CCDC136: variants seen among roughly 807,000 people sequenced by gnomAD.
CCDC136 encodes the protein coiled-coil domain containing 136, also known as coiled-coil domain-containing protein 136.
Under a neutral mutation model 141.2 loss-of-function variants are expected in CCDC136, and 100 were observed. That is an observed-to-expected ratio of 0.71 (90% CI 0.60 to 0.84). CCDC136 has a LOEUF of 0.84. Among genes scored for constraint, CCDC136 ranks in the 40% least tolerant of loss-of-function variants. The pLI is 0.00. For synonymous variants in CCDC136, 474 were observed against 531.9 expected (o/e 0.89, Z 1.50); for missense variants, 1,206 against 1,379.4 (o/e 0.87, Z 1.99).
In CCDC136 at chr7:128,806,231, C is replaced by T. The variant is rs372361455; in HGVS notation, c.1090-6C>T. On this transcript the variant is annotated splice_polypyrimidine_tract_variant and splice_region_variant and intron_variant, in intron 7 of 17. Coordinates refer to ENST00000297788, the MANE Select transcript of CCDC136 (RefSeq NM_022742.5). ...AACTGTTCTACTCACATCCTCCCTACCACAGAATGAGGAGCTGAAGTCCAG... is the reference window on the plus strand; with the variant it reads ...AACTGTTCTACTCACATCCTCCCTATCACAGAATGAGGAGCTGAAGTCCAG... 56 of 1,554,764 alleles carry T rather than the reference C, an allele frequency of 3.6e-5. No homozygotes were observed. Among genetic ancestry groups the T allele is most frequent in the Non-Finnish European group, 4.4e-5 (50 of 1,146,162 alleles).
In CCDC136 at chr7:128,812,301, G is replaced by A; in HGVS notation, c.2530G>A (p.Glu844Lys). Residue 844 changes from glutamate (E) to lysine (K), a missense_variant, in exon 13 of 18, where the codon GAA becomes AAA. Transcript: ENST00000297788. ...CACTGACGAGGAACCTGCTGAGCCTGAAGACATGGAGGTAATGGTTGCCAG... is the reference window on the plus strand; with the variant it reads ...CACTGACGAGGAACCTGCTGAGCCTAAAGACATGGAGGTAATGGTTGCCAG... ...SCTDEEPAEP[E>K]DMERFEEMVV... is the part of the protein sequence containing the mutation. 6.2e-7 allele frequency: 1 copy of A among 1,611,526 alleles called. No homozygotes were observed. Among genetic ancestry groups the A allele is most frequent in the Non-Finnish European group, 8.5e-7 (1 of 1,179,024 alleles).
intron 5 of CCDC136, 114 bp downstream of exon 5, chr7:128,804,875 AC>A: frequency 1.5e-6 from 1 of 651,218 alleles, no homozygotes; most frequent in Admixed American, 2.8e-5. Flanking sequence ...GCTCCTGGAG[AC>A]CCAGTCCTTT....
rs769101580 is a variant in CCDC136, at chr7:128,812,152, C to T, written c.2381C>T (p.Thr794Ile). 6.2e-7 allele frequency: 1 copy of T among 1,614,026 alleles called. No homozygotes were observed. The highest frequency in any genetic ancestry group is 8.5e-7 in the Non-Finnish European group (1 of 1,179,896). ...TTTCTCAAGAGCTATGACAGCAGCACCAGTGCCAGTGAGGCCTATGGGAAG... is the reference window on the plus strand; with the variant it reads ...TTTCTCAAGAGCTATGACAGCAGCATCAGTGCCAGTGAGGCCTATGGGAAG... Reference protein sequence around the residue: ...KSFLKSYDSSTSASEAYGKSY... With the variant: ...KSFLKSYDSSISASEAYGKSY... Residue 794 changes from threonine to isoleucine, a missense_variant, in exon 13 of 18, where the codon ACC becomes ATC. Coordinates refer to ENST00000297788, the MANE Select transcript of CCDC136 (RefSeq NM_022742.5).
rs756878736 is a variant in CCDC136, at chr7:128,801,191, C to T, written c.352C>T (p.Leu118=). ...TCAACCTTTGGACTTTGCAGGTGAGCTGCGTTCTCTACGGGAGGAGATTTC... is the reference window on the plus strand; with the variant it reads ...TCAACCTTTGGACTTTGCAGGTGAGTTGCGTTCTCTACGGGAGGAGATTTC... ...TKQIQQLQGE[L]RSLREEISLL... The change falls in exon 4 of 18, where the codon CTG becomes TTG. Residue 118 remains leucine, a synonymous_variant. Coordinates refer to ENST00000297788, the MANE Select transcript of CCDC136 (RefSeq NM_022742.5). 6 of 1,610,300 alleles carry T rather than the reference C, an allele frequency of 3.7e-6. 1 individual carries two copies. In the Admixed American group the frequency reaches 5.0e-5, roughly 13 times the overall value.
chr7:128,811,927 A>C lies in CCDC136; in HGVS notation c.2156A>C (p.Asp719Ala). ...GAGGAGCGGAAGAGGCTGCAGGCAG[A>C]CTTGCAGCTCTGCCTGGAAGAAATG... ...LLEERKRLQADLQLCLEEMQL... is the reference protein window; with the variant it reads ...LLEERKRLQAALQLCLEEMQL... The change falls in exon 13 of 18, where the codon GAC becomes GCC. Residue 719 changes from aspartate (D) to alanine (A), a missense_variant. By Grantham distance (126) the Asp-to-Ala change is moderately radical (BLOSUM62 -2). Transcript: ENST00000297788. 6.2e-7 allele frequency: 1 copy of C among 1,613,938 alleles called. No individual in the cohort carries two copies. Among genetic ancestry groups the C allele is most frequent in the Non-Finnish European group, 8.5e-7 (1 of 1,179,866 alleles).
rs1162860288 is a variant in CCDC136, at chr7:128,810,129, T to G, written c.1801-10T>G. On this transcript the variant is annotated splice_polypyrimidine_tract_variant and intron_variant, in intron 11 of 17. Transcript: ENST00000297788. The stretch of plus-strand genomic sequence containing the variant: ...CCATCCCTTGCCTCCTTCCTTCTAC[T>G]CCGCCTCAGAGTCAGGAGCTACTCA... 3 of 1,551,560 alleles carry G rather than the reference T, an allele frequency of 1.9e-6. No individual in the cohort carries two copies. Among genetic ancestry groups the G allele is most frequent in the Non-Finnish European group, 2.6e-6 (3 of 1,143,076 alleles).
chr7:128,795,447 G>A (rs767255140), intron 3 of CCDC136, among the ~76,000 whole-genome samples: 1 of 151,994 alleles, frequency 6.6e-6, no homozygotes. Context: ...GGGACTCTGG[G>A]GAGAACTGAG....
intron 11 of CCDC136, 105 bp from the exon 12 acceptor site, chr7:128,810,034 A>T: frequency 1.4e-6 from 1 of 711,620 alleles, no homozygotes; most frequent in East Asian, 2.7e-5. Context: ...CAACCCTGAG[A>T]TTCTTCAGGG....
Position 128,821,220 on chromosome 7 carries a change from G to A in CCDC136, c.*6-579G>A, listed in dbSNP as rs1807394594. 6.6e-6 allele frequency among the ~76,000 whole-genome samples: 1 copy of A among 152,198 alleles called. No individual in the cohort carries two copies. The highest frequency in any genetic ancestry group is 2.1e-4 in the South Asian group (1 of 4,834). The stretch of plus-strand genomic sequence containing the variant: ...AGTCAGTCAACATACCTGGTGATTA[G>A]GAGTGTTCTAATGACCTAGGCCCAG... On this transcript the variant is annotated intron_variant, in intron 17 of 17. Transcript: ENST00000297788. This position sits in a 1 kb window ranked among gnomAD's most constrained non-coding sequence, Gnocchi z 5.1.
chr7:128,807,477 C>A lies in CCDC136; in HGVS notation c.1537C>A (p.Gln513Lys). 1 of 1,546,018 alleles carries A rather than the reference C, an allele frequency of 6.5e-7. No individual in the cohort carries two copies. Among genetic ancestry groups the A allele is most frequent in the Non-Finnish European group, 8.7e-7 (1 of 1,145,202 alleles). ...DQLEQDLLLCQLELKELKASH... is the reference protein window; with the variant it reads ...DQLEQDLLLCKLELKELKASH... ...GCTGGAGCAGGACCTCCTGCTCTGC[C>A]AGCTGGAGCTGAAAGAGCTCAAGGC... Residue 513 changes from glutamine to lysine, a missense_variant, in exon 10 of 18, where the codon CAG becomes AAG. Physicochemically the swap from Gln to Lys is moderately conservative, Grantham distance 53. Coordinates refer to ENST00000297788, the MANE Select transcript of CCDC136 (RefSeq NM_022742.5).
rs184132481 is a variant in CCDC136, at chr7:128,802,505, A to T, written c.670+996A>T. On this transcript the variant is annotated intron_variant, in intron 4 of 17. Transcript: ENST00000297788. ...TATCTCAGCTCCACTAATTAGCAGG[A>T]TGAACGTAGGAGGTCTGGTTATGGT... Among the ~76,000 whole-genome samples, 5 of 150,078 alleles carry T rather than the reference A, an allele frequency of 3.3e-5. No individual in the cohort carries two copies. The East Asian group carries it at 1.0e-3, about 30-fold the overall frequency.
chr7:128,821,667 G>T lies in CCDC136; in HGVS notation c.*6-132G>T. 1 of 577,640 alleles carries T rather than the reference G, an allele frequency of 1.7e-6. No individual in the cohort carries two copies. Among genetic ancestry groups the T allele is most frequent in the South Asian group, 1.7e-5 (1 of 57,560 alleles). The allele number at this position is 577,640 out of a possible 1,614,324, so 35.8% of individuals were successfully genotyped here. ...ACTGAGAGATCACTTACCTCCACCG[G>T]TTACCCAGGAGGTAACAGAGACTGA... On this transcript the variant is annotated intron_variant, in intron 17 of 17. Coordinates refer to ENST00000297788, the MANE Select transcript of CCDC136 (RefSeq NM_022742.5). The surrounding 1 kb of genome is among the most constrained non-coding windows in gnomAD (Gnocchi z 5.1).
chr7:128,799,170 A>AT (rs1454752176), intron 3 of CCDC136, among the ~76,000 whole-genome samples: 21 of 115,496 alleles, frequency 1.8e-4, no homozygotes, highest in East Asian at 1.6e-3. Flanking sequence ...CCATCTCTAC[A>AT]TTAAAAAAAA....
At chr7:128,810,956 C>T (rs1488044301) in intron 12 of CCDC136, among the ~76,000 whole-genome samples, 1 of 152,178 alleles carries the variant, frequency 6.6e-6, no homozygotes, top group Admixed American at 6.5e-5. Flanking sequence ...AAATTGATGC[C>T]TCTCAAGTAC....
chr7:128,809,442 A>ACC lies in CCDC136; in HGVS notation c.1606-6_1606-5dup. On this transcript the variant is annotated splice_region_variant and splice_polypyrimidine_tract_variant and intron_variant, in intron 10 of 17. Transcript: ENST00000297788. ...AACCACCCCCTCCACACCCGCCCCC[A>ACC]CCCACAGTGTGACACACTGCTGTCC... The ACC allele has an allele frequency of 2.6e-6, 2 of 766,658 alleles. No individual in the cohort carries two copies. The highest frequency in any genetic ancestry group is 1.9e-6 in the Non-Finnish European group (1 of 527,688). The allele number at this position is 766,658 out of a possible 1,614,324, so 47.5% of individuals were successfully genotyped here.
chr7:128,802,485 C>T (rs1393881150), intron 4 of CCDC136, among the ~76,000 whole-genome samples: 2 of 152,098 alleles, frequency 1.3e-5, no homozygotes, highest in Non-Finnish European at 2.9e-5. Context: ...TTCAGTATCT[C>T]AGCTCCACTA....
intron 3 of CCDC136, among the ~76,000 whole-genome samples, chr7:128,795,852 T>C (rs1378833740): frequency 6.6e-6 from 1 of 152,192 alleles, no homozygotes; most frequent in Non-Finnish European, 1.5e-5. Flanking sequence ...AGACCACATC[T>C]CTGCCCTAAT....
intron 16 of CCDC136, among the ~76,000 whole-genome samples, chr7:128,816,865 T>C (rs1418902717): frequency 2.6e-5 from 4 of 152,240 alleles, no homozygotes; most frequent in Non-Finnish European, 5.9e-5. Context: ...TGAGGATATC[T>C]GGAATTTCCA....
chr7:128,806,127 C>G (rs1562918707), intron 7 of CCDC136, 110 bp from the exon 8 acceptor site: 2 of 1,083,198 alleles, frequency 1.8e-6, no homozygotes, highest in East Asian at 2.6e-5. Context: ...AACCCTAGAC[C>G]TGTGGGAGCT....
Sources: allele counts gnomAD v4.1 joint callset (sites outside exome capture counted in the v4.1 genomes callset), GRCh38; gene constraint gnomAD v4.1.1; non-coding constraint Gnocchi (gnomAD v3.1); transcripts MANE v1.5; gene names NCBI Gene and HGNC (gene_info 2026-07-23, HGNC 2026-07-21).